Variants in GPN3 observed in about 807,000 individuals in gnomAD.
GPN3 encodes ATP-binding domain 1 family member C.
In GPN3, 31 loss-of-function variants were observed where a neutral mutation model predicts 38.7. The ratio of observed to expected loss-of-function variants is 0.80; its 90% CI spans 0.60 to 1.08. The LOEUF is 1.08. Among genes scored for constraint, GPN3 ranks in the 50% least tolerant of loss-of-function variants. GPN3 has a pLI of 0.00. For missense variants in GPN3, 301 were observed against 354.4 expected (o/e 0.85, Z 1.21); for synonymous variants, 116 against 120.2 (o/e 0.96, Z 0.23).
intron 2 of GPN3, among the ~76,000 whole-genome samples, chr12:110,462,220 C>T (rs1302772406): frequency 6.6e-6 from 1 of 152,174 alleles, no homozygotes; most frequent in Non-Finnish European, 1.5e-5. Context: ...TAATACAATG[C>T]CTTTTTTCTC....
chr12:110,459,960 C>A, intron 2 of GPN3, 98 bp from the exon 3 acceptor site: 1 of 966,276 alleles, frequency 1.0e-6, no homozygotes. Context: ...ACATAAAAAA[C>A]CCATATGCAG....
intron 2 of GPN3, among the ~76,000 whole-genome samples, chr12:110,462,981 C>T (rs2062600990): frequency 6.6e-6 from 1 of 152,128 alleles, no homozygotes; most frequent in Admixed American, 6.6e-5. Context: ...TGGTCTTGAT[C>T]TCCTGACCTT....
In GPN3 at chr12:110,453,097, C is replaced by T; in HGVS notation, c.793-1G>A. The T allele has an allele frequency of 7.3e-7, 1 of 1,371,270 alleles. No individual in the cohort carries two copies. The highest frequency in any genetic ancestry group is 1.0e-6 in the Non-Finnish European group (1 of 962,012). The allele number at this position is 1,371,270 out of a possible 1,614,324, so 84.9% of individuals were successfully genotyped here. On this transcript the variant is annotated splice_acceptor_variant, in intron 7 of 7. Transcript: ENST00000228827. LOFTEE classifies it high-confidence loss of function. ...TAGAGGAAGACTCATCTTCACGTTC[C>T]TGACACAATGGAAACACAAAATAGA...
Position 110,455,590 on chromosome 12 carries a change from C to A in GPN3, c.659G>T (p.Gly220Val). The part of the protein sequence containing the change: ...KFKKLTKAIC[G>V]LIDDYSMVRF... ...ATCCAAACTTTAAAAGCTTACCAGTCCACATATAGCTTTAGTCAGTTTCTT... is the reference window on the plus strand; with the variant it reads ...ATCCAAACTTTAAAAGCTTACCAGTACACATATAGCTTTAGTCAGTTTCTT... Residue 220 changes from glycine (G) to valine (V), a missense_variant, in exon 6 of 8, where the codon GGA (glycine) becomes GTA (valine). Physicochemically the swap from Gly to Val is moderately radical, Grantham distance 109. Coordinates refer to ENST00000228827, the MANE Select transcript of GPN3 (RefSeq NM_016301.4). The A allele has an allele frequency of 1.5e-6, 2 of 1,351,528 alleles. No homozygotes were observed. Among genetic ancestry groups the A allele is most frequent in the South Asian group, 1.2e-5 (1 of 83,780 alleles). 83.7% of individuals were successfully genotyped at this position (1,351,528 alleles called of 1,614,324 possible). A position where few individuals can be genotyped will look rare whatever the true frequency, so the allele number is the denominator to read the frequency against.
intron 3 of GPN3, among the ~76,000 whole-genome samples, chr12:110,459,091 GA>G (rs1454252158): frequency 6.6e-6 from 1 of 152,188 alleles, no homozygotes; most frequent in Non-Finnish European, 1.5e-5. Flanking sequence ...AATGACAACT[GA>G]ATATTAAATA....
intron 1 of GPN3, among the ~76,000 whole-genome samples, chr12:110,466,747 C>T (rs1321778361): frequency 6.6e-6 from 1 of 152,132 alleles, no homozygotes; most frequent in Non-Finnish European, 1.5e-5. Context: ...CTGCTGGCCT[C>T]AGCCTCCCAA....
intron 2 of GPN3, chr12:110,461,384 AATAAAGTT>A: frequency 3.1e-6 from 2 of 651,106 alleles, no homozygotes; most frequent in Non-Finnish European, 2.7e-6. Context: ...AAATACATCA[AATAAAGTT>A]ATAAAATTGA....
Position 110,455,833 on chromosome 12 carries a change from G to A in GPN3, c.548C>T (p.Ala183Val). 6.3e-7 allele frequency: 1 copy of A among 1,575,370 alleles called. No individual in the cohort carries two copies. Among genetic ancestry groups the A allele is most frequent in the Admixed American group, 1.7e-5 (1 of 59,482 alleles). ...MTKMDLLSKKAKKEIEKFLDP... is the reference protein window; with the variant it reads ...MTKMDLLSKKVKKEIEKFLDP... The stretch of plus-strand genomic sequence containing the variant: ...AACTCACTTCTCAATTTCCTTTTTT[G>A]CTTTTTTACTCAGCAGATCCATTTT... Residue 183 changes from alanine (A) to valine (V), a missense_variant, in exon 5 of 8, where the codon GCA becomes GTA. Transcript: ENST00000228827.
At chr12:110,462,929 T>G (rs928299483) in intron 2 of GPN3, among the ~76,000 whole-genome samples, 11 of 152,162 alleles carry the variant, frequency 7.2e-5, no homozygotes, top group Admixed American at 3.3e-4. Context: ...GCTAGTTTTT[T>G]GTATTTTTAG....
upstream of GPN3, chr12:110,468,489 A>G (rs1005471548): frequency 1.3e-6 from 2 of 1,537,070 alleles, no homozygotes; most frequent in African/African-American, 1.4e-5. Flanking sequence ...ATAACGGACA[A>G]CAGATAAAGC....
chr12:110,457,956 C>T (rs2062561885), intron 3 of GPN3, among the ~76,000 whole-genome samples: 2 of 150,352 alleles, frequency 1.3e-5, no homozygotes, highest in East Asian at 2.0e-4. Context: ...AGTGAAACCC[C>T]ATCTCTACTA....
intron 2 of GPN3, among the ~76,000 whole-genome samples, chr12:110,460,377 C>A (rs1037736516): frequency 6.6e-6 from 1 of 152,034 alleles, no homozygotes; most frequent in African/African-American, 2.4e-5. Context: ...ACATTATGAA[C>A]CATGTGAATA....
intron 2 of GPN3, among the ~76,000 whole-genome samples, chr12:110,463,137 A>G (rs1353784969): frequency 1.3e-5 from 2 of 152,178 alleles, no homozygotes; most frequent in Non-Finnish European, 2.9e-5. Flanking sequence ...AACATAAATC[A>G]GGCCAAGTGC....
chr12:110,457,510 C>T lies in GPN3; in HGVS notation c.450G>A (p.Lys150=), dbSNP rs1426656409. Residue 150 remains lysine (K), a splice_region_variant and synonymous_variant, in exon 4 of 8, where the codon AAG becomes AAA. Coordinates refer to ENST00000228827, the MANE Select transcript of GPN3 (RefSeq NM_016301.4). ...VDSQFMVESF[K]FISGILAALS... is the part of the protein sequence containing the mutation. ...ATCTGTAAGAGATTTAGCTTCAGACCTTGAATGACTCCACCATGAACTGAG... is the reference window on the plus strand; with the variant it reads ...ATCTGTAAGAGATTTAGCTTCAGACTTTGAATGACTCCACCATGAACTGAG... 23 of 1,450,428 alleles carry T rather than the reference C, an allele frequency of 1.6e-5. No individual in the cohort carries two copies. Among genetic ancestry groups the T allele is most frequent in the Non-Finnish European group, 2.2e-5 (23 of 1,062,766 alleles). The allele number at this position is 1,450,428 out of a possible 1,614,324, so 89.8% of individuals were successfully genotyped here. A position where few individuals can be genotyped will look rare whatever the true frequency, so the allele number is the denominator to read the frequency against.
At chr12:110,468,334 C>T, upstream of GPN3, 1 of 1,554,282 alleles carries the variant, frequency 6.4e-7, no homozygotes, top group South Asian at 1.2e-5. Flanking sequence ...ACACCTCCTA[C>T]TACGGGGCAG....
intron 4 of GPN3, among the ~76,000 whole-genome samples, chr12:110,456,250 A>C (rs1042357307): frequency 4.0e-5 from 6 of 149,682 alleles, no homozygotes; most frequent in African/African-American, 1.5e-4. Flanking sequence ...AATCACTTGA[A>C]CCCAGGAGGC....
intron 1 of GPN3, among the ~76,000 whole-genome samples, chr12:110,466,894 G>T (rs183195707): frequency 2.9e-4 from 44 of 151,962 alleles, no homozygotes; most frequent in African/African-American, 1.0e-3. Flanking sequence ...TTAGTTACAT[G>T]TACATGTTTT....
intron 4 of GPN3, among the ~76,000 whole-genome samples, chr12:110,457,154 G>A (rs948601591): frequency 6.6e-6 from 1 of 151,626 alleles, no homozygotes; most frequent in Non-Finnish European, 1.5e-5. Context: ...ATAATTAAAG[G>A]AACTGTCATC....
intron 2 of GPN3, chr12:110,464,879 C>A: frequency 2.0e-6 from 1 of 500,792 alleles, no homozygotes; most frequent in Non-Finnish European, 3.6e-6. Flanking sequence ...AGGCATGAGC[C>A]TCCGCGCCCG....
Sources: gnomAD v4.1 joint callset for allele counts (sites outside exome capture counted in the v4.1 genomes callset) on GRCh38, gnomAD v4.1.1 for gene constraint, MANE v1.5 for transcripts, NCBI Gene and HGNC (gene_info 2026-07-23, HGNC 2026-07-21) for gene names.